The following ZBTB10 variants were observed in gnomAD, a reference collection of about 807,000 sequenced individuals.
ZBTB10 encodes zinc finger and BTB domain containing 10.
Under a neutral mutation model 76.4 loss-of-function variants are expected in ZBTB10, and 32 were observed. The observed-to-expected ratio is 0.42, with a 90% CI of 0.32 to 0.56. ZBTB10 has a LOEUF of 0.56. Among genes scored for constraint, ZBTB10 ranks in the 20% least tolerant of loss-of-function variants. The pLI is 0.14. For synonymous variants in ZBTB10, 523 were observed against 432.9 expected (o/e 1.21, Z -2.58); for missense variants, 1,057 against 1,098.5 (o/e 0.96, Z 0.53).
At chr8:80,514,434 AAAAAC>A (rs1441027926) in intron 3 of ZBTB10, among the ~76,000 whole-genome samples, 1 of 152,230 alleles carries the variant, frequency 6.6e-6, no homozygotes, top group East Asian at 1.9e-4. Flanking sequence ...TGATGAATAT[AAAAAC>A]AAAGAATCCA....
At chr8:80,485,992 A>T, upstream of ZBTB10, 1 of 891,196 alleles carries the variant, frequency 1.1e-6, no homozygotes, top group Non-Finnish European at 1.5e-6. Flanking sequence ...TGAGACCCCC[A>T]GCCCGCCGCC....
chr8:80,512,694 AGAGG>A (rs557487928), intron 2 of ZBTB10, among the ~76,000 whole-genome samples: 49 of 152,352 alleles, frequency 3.2e-4, no homozygotes, highest in African/African-American at 1.1e-3. Context: ...CCTGGGTGAC[AGAGG>A]GAGACCCTGT....
intron 1 of ZBTB10, among the ~76,000 whole-genome samples, chr8:80,498,054 A>C (rs1487910873): frequency 2.0e-5 from 3 of 152,210 alleles, no homozygotes; most frequent in Non-Finnish European, 4.4e-5. Flanking sequence ...GTTTCAGAGA[A>C]TTGAGATGAC....
chr8:80,494,903 T>A (rs946077949), intron 1 of ZBTB10, among the ~76,000 whole-genome samples: 5 of 139,350 alleles, frequency 3.6e-5, no homozygotes, highest in Non-Finnish European at 7.6e-5. Flanking sequence ...CCAGCCTGGG[T>A]GACAGAGTGA....
At chr8:80,492,401 G>A (rs1815653923) in intron 1 of ZBTB10, among the ~76,000 whole-genome samples, 1 of 152,102 alleles carries the variant, frequency 6.6e-6, no homozygotes, top group South Asian at 2.1e-4. Flanking sequence ...CAAGGAACTT[G>A]TAGTTTAGTA....
chr8:80,505,958 G>A (rs945669671), intron 2 of ZBTB10, among the ~76,000 whole-genome samples: 3 of 137,866 alleles, frequency 2.2e-5, no homozygotes, highest in African/African-American at 5.5e-5. Context: ...GTGAAGTCTC[G>A]CTTTGTTGCC....
chr8:80,490,748 C>G (rs1815608106), intron 1 of ZBTB10, among the ~76,000 whole-genome samples: 1 of 152,144 alleles, frequency 6.6e-6, no homozygotes, highest in African/African-American at 2.4e-5. Context: ...TCTAGGAGTA[C>G]TAAACTCCTA....
At chr8:80,495,963 G>A (rs1022905068) in intron 1 of ZBTB10, among the ~76,000 whole-genome samples, 1 of 152,100 alleles carries the variant, frequency 6.6e-6, no homozygotes, top group Non-Finnish European at 1.5e-5. Flanking sequence ...TCCTTGTTTA[G>A]CCAGTTTAGA....
At chr8:80,486,217 C>T, upstream of ZBTB10, 7 of 1,076,682 alleles carry the variant, frequency 6.5e-6, no homozygotes, top group Non-Finnish European at 7.9e-6. Context: ...GGCGCACGGT[C>T]CGTTGTTCAT....
intron 1 of ZBTB10, among the ~76,000 whole-genome samples, chr8:80,494,938 AAAAG>A (rs978777466): frequency 1.3e-5 from 2 of 151,340 alleles, no homozygotes; most frequent in Non-Finnish European, 1.5e-5. Context: ...AAAAAAAAAA[AAAAG>A]GAAAAATAGC....
At chr8:80,506,639 C>A (rs1463935149) in intron 2 of ZBTB10, among the ~76,000 whole-genome samples, 1 of 143,524 alleles carries the variant, frequency 7.0e-6, no homozygotes, top group Non-Finnish European at 1.5e-5. Context: ...TGCAAATATT[C>A]ATGTTTTATT....
rs138436350 is a variant in ZBTB10, at chr8:80,522,394, A to G, written c.*2866A>G. The G allele has an allele frequency of 1.3e-3, 199 of 152,052 alleles. 4 individuals carry two copies. The highest frequency in any genetic ancestry group is 4.7e-3 in the African/African-American group (194 of 41,546). 9.4% of individuals were successfully genotyped at this position (152,052 alleles called of 1,614,324 possible). On this transcript the variant is annotated 3_prime_UTR_variant, in exon 6 of 6. Coordinates refer to ENST00000455036, the MANE Select transcript of ZBTB10 (RefSeq NM_001105539.3). ...CTTTTAATGAAGGGGAAGAGTATAA[A>G]CTTTCTTTCATATTCACTCTGTAGT...
At chr8:80,511,191 A>G (rs1251586497) in intron 2 of ZBTB10, among the ~76,000 whole-genome samples, 2 of 152,192 alleles carry the variant, frequency 1.3e-5, no homozygotes, top group Admixed American at 1.3e-4. Flanking sequence ...AATATACTTG[A>G]TATTTATTTT....
At chr8:80,485,958 G>A (rs1585830146), upstream of ZBTB10, 12 of 1,423,878 alleles carry the variant, frequency 8.4e-6, no homozygotes, top group South Asian at 8.9e-5. Context: ...GCCCGGCCCC[G>A]GCCGCACACG....
At position 80,521,749 on chromosome 8, in the gene ZBTB10, A is replaced by G. The variant is rs912583858; in HGVS notation, c.*2221A>G. On this transcript the variant is annotated 3_prime_UTR_variant, in exon 6 of 6. Transcript: ENST00000455036. Reference sequence around the variant, plus strand: ...ACCAAATTTTTGTTAGATTGCATACAGTAAATTGAAATACACACTTGGTAC... The same window carrying G: ...ACCAAATTTTTGTTAGATTGCATACGGTAAATTGAAATACACACTTGGTAC... 4 of 151,852 alleles carry G rather than the reference A, an allele frequency of 2.6e-5. No homozygotes were observed. Among genetic ancestry groups the G allele is most frequent in the African/African-American group, 9.7e-5 (4 of 41,420 alleles). 9.4% of individuals were successfully genotyped at this position (151,852 alleles called of 1,614,324 possible).
In ZBTB10 at chr8:80,505,245, A is replaced by T. The variant is rs541217353; in HGVS notation, c.1861+4863A>T. On this transcript the variant is annotated intron_variant, in intron 2 of 5. Transcript: ENST00000455036. ...ACAGCCTTACTCAAAAGAGAAAAAC[A>T]TACCAGTTCTACCAGGATGACAAAC... is the stretch of plus-strand genomic sequence containing the variant. Among the ~76,000 whole-genome samples the T allele has an allele frequency of 2.0e-5, 3 of 152,320 alleles. No homozygotes were observed. In the East Asian group the frequency reaches 5.8e-4, roughly 29 times the overall value.
chr8:80,518,515 T>TTG lies in ZBTB10; in HGVS notation c.2074_2075insGT (p.Ser692CysfsTer27). 1 of 1,553,138 alleles carries TTG rather than the reference T, an allele frequency of 6.4e-7. No individual in the cohort carries two copies. The highest frequency in any genetic ancestry group is 1.4e-5 in the African/African-American group (1 of 73,368). On this transcript the variant is annotated frameshift_variant, in exon 4 of 6. Coordinates refer to ENST00000455036, the MANE Select transcript of ZBTB10 (RefSeq NM_001105539.3). LOFTEE classifies it high-confidence loss of function. Reference sequence around the variant, plus strand: ...TCAAGTATGGATTGATACCAGGTGCTTCAAATGATTTCAAGTATGGATTAT... The same window carrying TTG: ...TCAAGTATGGATTGATACCAGGTGCTTGTCAAATGATTTCAAGTATGGATTAT...
At chr8:80,485,957 C>A (rs1453332115), upstream of ZBTB10, 3 of 1,427,038 alleles carry the variant, frequency 2.1e-6, no homozygotes, top group Non-Finnish European at 2.8e-6. Context: ...AGCCCGGCCC[C>A]GGCCGCACAC....
rs1292372918 is a variant in ZBTB10 at position 80,521,159 on chromosome 8, G to A, written c.*1631G>A. On this transcript the variant is annotated 3_prime_UTR_variant, in exon 6 of 6. Coordinates refer to ENST00000455036, the MANE Select transcript of ZBTB10 (RefSeq NM_001105539.3). ...TGTCTCTGATTTCAGTAGAATAATG[G>A]TTTATTGTTAGACAATGATGTTTCT... is the stretch of plus-strand genomic sequence containing the variant. 1 of 151,812 alleles carries A rather than the reference G, an allele frequency of 6.6e-6. No homozygotes were observed. Among genetic ancestry groups the A allele is most frequent in the Non-Finnish European group, 1.5e-5 (1 of 67,790 alleles). 9.4% of individuals were successfully genotyped at this position (151,812 alleles called of 1,614,324 possible). A position where few individuals can be genotyped will look rare whatever the true frequency, so the allele number is the denominator to read the frequency against.
Sources: gnomAD v4.1 joint callset for allele counts (sites outside exome capture counted in the v4.1 genomes callset) on GRCh38, gnomAD v4.1.1 for gene constraint, MANE v1.5 for transcripts, NCBI Gene and HGNC (gene_info 2026-07-23, HGNC 2026-07-21) for gene names.